The following SGMS1 variants were observed in gnomAD, a reference collection of about 807,000 sequenced individuals.
SGMS1 encodes the protein phosphatidylcholine:ceramide cholinephosphotransferase 1.
Under a neutral mutation model 46.2 loss-of-function variants are expected in SGMS1, and 13 were observed. That is an observed-to-expected ratio of 0.28 (90% CI 0.18 to 0.45). SGMS1 has a LOEUF of 0.45. SGMS1 is among the 20% of genes least tolerant of loss of function. The probability of loss-of-function intolerance (pLI) is 1.00; values close to 1 mark genes in which losing one functional copy is unlikely to be tolerated. For missense variants in SGMS1, 324 were observed against 519.9 expected, an observed-to-expected ratio of 0.62 and a Z score of 3.66; for synonymous variants, 203 against 187.8, an observed-to-expected ratio of 1.08 and a Z score of -0.66.
chr10:50,572,281 T>G (rs1415252492), intron 2 of SGMS1, among the ~76,000 whole-genome samples: 2 of 152,178 alleles, frequency 1.3e-5, no homozygotes, highest in Non-Finnish European at 2.9e-5. Context: ...CCACAGGTTT[T>G]CCAGATAATT....
chr10:50,569,568 C>T (rs1351140743), intron 2 of SGMS1, among the ~76,000 whole-genome samples: 1 of 152,062 alleles, frequency 6.6e-6, no homozygotes, highest in Non-Finnish European at 1.5e-5. Context: ...TAGCAAACAG[C>T]TTTACTGGTC....
intron 6 of SGMS1, among the ~76,000 whole-genome samples, chr10:50,364,366 A>T (rs1490065354): frequency 6.6e-6 from 1 of 152,188 alleles, no homozygotes; most frequent in Non-Finnish European, 1.5e-5. Flanking sequence ...TGTTATTACC[A>T]TTCCACACTA....
At chr10:50,359,911 C>A (rs896395596) in intron 6 of SGMS1, among the ~76,000 whole-genome samples, 1 of 152,030 alleles carries the variant, frequency 6.6e-6, no homozygotes, top group Non-Finnish European at 1.5e-5. Flanking sequence ...CTTCTTAACC[C>A]TTACCTCTGG....
intron 2 of SGMS1, among the ~76,000 whole-genome samples, chr10:50,538,371 T>C (rs1320367105): frequency 6.9e-6 from 1 of 145,462 alleles, no homozygotes; most frequent in African/African-American, 2.6e-5. Context: ...GGCAGGACAA[T>C]GGCATGAACC....
chr10:50,316,386 G>T (rs527290508), intron 8 of SGMS1, among the ~76,000 whole-genome samples: 1 of 152,150 alleles, frequency 6.6e-6, no homozygotes, highest in Non-Finnish European at 1.5e-5. Flanking sequence ...TCTGCTGTAG[G>T]TCTCCAGTGT....
chr10:50,437,717 C>T (rs1344556269), intron 5 of SGMS1, among the ~76,000 whole-genome samples: 2 of 152,180 alleles, frequency 1.3e-5, no homozygotes, highest in African/African-American at 4.8e-5. Flanking sequence ...ACAGCCTTAG[C>T]AAGACATCCT....
At chr10:50,611,548 C>T (rs1435892147) in intron 1 of SGMS1, among the ~76,000 whole-genome samples, 1 of 152,218 alleles carries the variant, frequency 6.6e-6, no homozygotes, top group Non-Finnish European at 1.5e-5. Flanking sequence ...TGCATTACTA[C>T]CTCACCAGTG....
chr10:50,427,732 C>A (rs747016053), intron 6 of SGMS1, among the ~76,000 whole-genome samples: 3 of 152,132 alleles, frequency 2.0e-5, no homozygotes, highest in Non-Finnish European at 4.4e-5. Context: ...ATAGACAGCA[C>A]CCACACCATA....
intron 7 of SGMS1, among the ~76,000 whole-genome samples, chr10:50,331,095 A>G (rs751184186): frequency 8.5e-5 from 13 of 152,220 alleles, no homozygotes; most frequent in Non-Finnish European, 1.8e-4. Context: ...TTCTTAATAT[A>G]TAAGGTTGAA....
chr10:50,435,946 G>T (rs573074700), intron 5 of SGMS1, among the ~76,000 whole-genome samples: 5 of 152,164 alleles, frequency 3.3e-5, no homozygotes, highest in Non-Finnish European at 7.4e-5. Context: ...GAACCAGTGT[G>T]CAATGTTCAC....
chr10:50,562,805 A>G (rs1244001361), intron 2 of SGMS1, among the ~76,000 whole-genome samples: 1 of 151,950 alleles, frequency 6.6e-6, no homozygotes, highest in Non-Finnish European at 1.5e-5. Flanking sequence ...TGGCCTCCCA[A>G]AGTGCTGGGT....
rs141486550 is a variant in SGMS1 at position 50,357,375 on chromosome 10, A to G, written c.-231-13030T>C. The stretch of plus-strand genomic sequence containing the variant: ...AATAAATCATTTATAAATTTTTTTT[A>G]TCCTTATTCACAAATAATCTATTAT... On this transcript the variant is annotated intron_variant, in intron 6 of 10. Coordinates refer to ENST00000361781, the MANE Select transcript of SGMS1 (RefSeq NM_147156.4). Among the ~76,000 whole-genome samples the G allele has an allele frequency of 3.7e-3, 571 of 152,270 alleles. 9 individuals are homozygous for G. Among genetic ancestry groups the G allele is most frequent in the African/African-American group, 0.013 (549 of 41,568 alleles).
At chr10:50,453,481 C>A (rs1431645537) in intron 5 of SGMS1, among the ~76,000 whole-genome samples, 2 of 151,018 alleles carry the variant, frequency 1.3e-5, no homozygotes, top group African/African-American at 2.4e-5. Flanking sequence ...GCTTAAACAG[C>A]AGATTAGAAA....
intron 1 of SGMS1, among the ~76,000 whole-genome samples, chr10:50,591,083 C>T (rs1408066102): frequency 1.3e-5 from 2 of 152,132 alleles, no homozygotes; most frequent in African/African-American, 4.8e-5. Flanking sequence ...CACAAGTTTG[C>T]GGCAAAGTGG....
At chr10:50,513,351 T>G (rs141455095) in intron 3 of SGMS1, among the ~76,000 whole-genome samples, 1 of 152,176 alleles carries the variant, frequency 6.6e-6, no homozygotes, top group African/African-American at 2.4e-5. Context: ...CAGACACTGG[T>G]GCAGCCCTCT....
rs1162390426 is a variant in SGMS1 at position 50,329,392 on chromosome 10, TCCATGTG to T, written c.624-2077_624-2071del. Among the ~76,000 whole-genome samples the T allele has an allele frequency of 3.9e-5, 6 of 152,226 alleles. No homozygotes were observed. The East Asian group carries it at 1.2e-3, about 29-fold the overall frequency. Reference sequence around the variant, plus strand: ...CTTTGAAAACTGAAATTTGACCATTTCCATGTGAAACTGTCAATGTTAACAATAAGGT... The same window carrying T: ...CTTTGAAAACTGAAATTTGACCATTTAAACTGTCAATGTTAACAATAAGGT... On this transcript the variant is annotated intron_variant, in intron 7 of 10. Transcript: ENST00000361781.
intron 6 of SGMS1, among the ~76,000 whole-genome samples, chr10:50,361,407 G>A (rs1260047746): frequency 6.6e-6 from 1 of 152,098 alleles, no homozygotes; most frequent in African/African-American, 2.4e-5. Context: ...AGGCTCTCAA[G>A]TTCACATACC....
intron 3 of SGMS1, among the ~76,000 whole-genome samples, chr10:50,502,309 A>AG (rs983191877): frequency 1.4e-4 from 21 of 150,798 alleles, no homozygotes; most frequent in African/African-American, 4.4e-4. Flanking sequence ...GAGGAAAGAA[A>AG]AAAAAAAAAA....
At chr10:50,532,683 A>T (rs1837965674) in intron 2 of SGMS1, among the ~76,000 whole-genome samples, 1 of 152,224 alleles carries the variant, frequency 6.6e-6, no homozygotes, top group African/African-American at 2.4e-5. Flanking sequence ...AAGCCCTAAA[A>T]TTGCTAAAAG....
Sources: allele counts gnomAD v4.1 joint callset (sites outside exome capture counted in the v4.1 genomes callset), GRCh38; gene constraint gnomAD v4.1.1; transcripts MANE v1.5; gene names NCBI Gene and HGNC (gene_info 2026-07-23, HGNC 2026-07-21).